WDR7: variants seen among roughly 807,000 people sequenced by gnomAD.
WDR7 encodes WD repeat-containing protein 7.
A neutral mutation model predicts 169.4 loss-of-function variants in WDR7; 46 were observed. The ratio of observed to expected loss-of-function variants is 0.27; its 90% CI spans 0.21 to 0.35. The LOEUF (loss-of-function observed/expected upper bound fraction) is 0.35, where lower values mean the gene tolerates loss of function less well. Ranked by LOEUF, WDR7 falls within the 10% of genes least tolerant of loss-of-function variation. The probability of loss-of-function intolerance (pLI) is 1.00; values close to 1 mark genes in which losing one functional copy is unlikely to be tolerated. For synonymous variants in WDR7, 612 were observed against 666.8 expected (o/e 0.92, Z 1.27); for missense variants, 1,534 against 1,859.3 (o/e 0.83, Z 3.22).
At position 56,660,475 on chromosome 18, in the gene WDR7, AT is replaced by A. The variant is rs533107264; in HGVS notation, c.-20+8900del. Among the ~76,000 whole-genome samples the A allele has an allele frequency of 1.5e-3, 223 of 152,266 alleles. 1 individual carries two copies. The highest frequency in any genetic ancestry group is 5.1e-3 in the African/African-American group (213 of 41,558). The stretch of plus-strand genomic sequence containing the variant: ...CTCAACCTGTAAGTATAATACAAAT[AT>A]CCCCAAATTTGAAAAAAATCCAAAA... On this transcript the variant is annotated intron_variant, in intron 1 of 27. Transcript: ENST00000254442.
chr18:56,671,167 G>T (rs1263955709), intron 1 of WDR7, among the ~76,000 whole-genome samples: 2 of 152,058 alleles, frequency 1.3e-5, no homozygotes, highest in African/African-American at 4.8e-5. Flanking sequence ...ATGGAGAAAT[G>T]AGTTTACAAA....
At chr18:57,034,627 G>A (rs2048457099), downstream of WDR7, 1 of 152,318 alleles carries the variant, frequency 6.6e-6, no homozygotes, top group Admixed American at 6.5e-5. Flanking sequence ...ATGGCGTGCT[G>A]ATGGAGGGCG....
intron 19 of WDR7, among the ~76,000 whole-genome samples, chr18:56,793,804 C>T (rs2044534738): frequency 6.6e-6 from 1 of 152,092 alleles, no homozygotes; most frequent in Admixed American, 6.5e-5. Context: ...CATTTAAATG[C>T]TTCTTTAGAA....
intron 21 of WDR7, among the ~76,000 whole-genome samples, chr18:56,900,051 G>GAC (rs2046379529): frequency 3.7e-5 from 5 of 134,630 alleles, no homozygotes; most frequent in Admixed American, 8.3e-5. Context: ...AAGCTCACTG[G>GAC]ACACATATAT....
intron 20 of WDR7, among the ~76,000 whole-genome samples, chr18:56,862,400 A>G (rs936306195): frequency 6.6e-6 from 1 of 151,402 alleles, no homozygotes; most frequent in African/African-American, 2.4e-5. Context: ...TTTTTTATTT[A>G]TCTTAATTTT....
chr18:56,753,183 G>T (rs1486381366), intron 14 of WDR7: 1 of 152,180 alleles, frequency 6.6e-6, no homozygotes, highest in East Asian at 1.9e-4. Flanking sequence ...TTTTATGTCA[G>T]AAGAGCTGAT....
intron 21 of WDR7, among the ~76,000 whole-genome samples, chr18:56,900,074 GTGTGTGTGTATA>G (rs2046380369): frequency 2.4e-5 from 1 of 41,912 alleles, no homozygotes; most frequent in Non-Finnish European, 4.5e-5. Context: ...ATGTGTGTGT[GTGTGTGTGTATA>G]TATATATATA....
chr18:56,927,108 G>A (rs1335514647), intron 22 of WDR7, among the ~76,000 whole-genome samples: 1 of 152,186 alleles, frequency 6.6e-6, no homozygotes, highest in Non-Finnish European at 1.5e-5. Flanking sequence ...AAAAACATAA[G>A]CAGTGTTTCC....
In WDR7 at chr18:57,028,770, A is replaced by C. The variant is rs570935265; in HGVS notation, c.*1563A>C. On this transcript the variant is annotated 3_prime_UTR_variant, in exon 28 of 28. Coordinates refer to ENST00000254442, the MANE Select transcript of WDR7 (RefSeq NM_015285.3). The stretch of plus-strand genomic sequence containing the variant: ...AGACCATTAGATCATCTCTTTCATA[A>C]TGATATGATGTTATTTCCATTGACG... 3.3e-5 allele frequency: 5 copies of C among 152,792 alleles called. No individual in the cohort carries two copies. The highest frequency in any genetic ancestry group is 6.5e-5 in the Admixed American group (1 of 15,308). The allele number at this position is 152,792 out of a possible 1,614,324, so 9.5% of individuals were successfully genotyped here. A position where few individuals can be genotyped will look rare whatever the true frequency, so the allele number is the denominator to read the frequency against.
chr18:56,995,954 G>C (rs1046999880), intron 26 of WDR7, among the ~76,000 whole-genome samples: 4 of 152,134 alleles, frequency 2.6e-5, no homozygotes. Context: ...CAGGTGGTTG[G>C]AATTAATGCA....
At chr18:56,853,187 A>G (rs1267791496) in intron 20 of WDR7, among the ~76,000 whole-genome samples, 1 of 152,186 alleles carries the variant, frequency 6.6e-6, no homozygotes, top group African/African-American at 2.4e-5. Flanking sequence ...AAACACCACC[A>G]TCTCAAAACA....
At chr18:56,698,010 A>G (rs1165369608) in intron 12 of WDR7, among the ~76,000 whole-genome samples, 2 of 151,632 alleles carry the variant, frequency 1.3e-5, no homozygotes, top group Non-Finnish European at 2.9e-5. Flanking sequence ...CCTGATCAAC[A>G]TGGAGAAACC....
intron 21 of WDR7, among the ~76,000 whole-genome samples, chr18:56,883,230 A>AG (rs758615769): frequency 4.9e-4 from 73 of 148,306 alleles, no homozygotes; most frequent in East Asian, 1.6e-3. Context: ...AAAAAAAAAA[A>AG]GCAGGAAGGT....
At chr18:57,031,109 G>C (rs1396991711), downstream of WDR7, 1 of 151,928 alleles carries the variant, frequency 6.6e-6, no homozygotes. Context: ...TTGTTTTTTT[G>C]AGTGGTTACA....
At chr18:56,902,123 G>T (rs1415029183) in intron 21 of WDR7, among the ~76,000 whole-genome samples, 3 of 152,138 alleles carry the variant, frequency 2.0e-5, no homozygotes, top group Non-Finnish European at 4.4e-5. Context: ...GTGACCTCCG[G>T]AACTGCATAT....
intron 17 of WDR7, among the ~76,000 whole-genome samples, chr18:56,777,869 G>GT (rs2044263772): frequency 6.6e-6 from 1 of 152,128 alleles, no homozygotes; most frequent in African/African-American, 2.4e-5. Context: ...AGGTTTGTAT[G>GT]TTAAGACCGA....
rs549601525 is a variant in WDR7 at position 57,028,422 on chromosome 18, A to T, written c.*1215A>T. The T allele has an allele frequency of 8.3e-4, 126 of 152,336 alleles. No individual in the cohort carries two copies. Among genetic ancestry groups the T allele is most frequent in the African/African-American group, 2.8e-3 (117 of 41,570 alleles). 9.4% of individuals were successfully genotyped at this position (152,336 alleles called of 1,614,324 possible). On this transcript the variant is annotated 3_prime_UTR_variant, in exon 28 of 28. Coordinates refer to ENST00000254442, the MANE Select transcript of WDR7 (RefSeq NM_015285.3). ...GGTTCTAGCTCATAATAATGAAAAA[A>T]ATAGAATTATATTTTGTATGAATTG...
intron 19 of WDR7, among the ~76,000 whole-genome samples, chr18:56,792,219 T>C (rs1264834624): frequency 6.6e-6 from 1 of 152,188 alleles, no homozygotes; most frequent in Admixed American, 6.5e-5. Flanking sequence ...GGTCTTCCTA[T>C]GTTGCCCAAG....
At chr18:56,733,193 A>C (rs1416028061) in intron 14 of WDR7, among the ~76,000 whole-genome samples, 1 of 152,140 alleles carries the variant, frequency 6.6e-6, no homozygotes, top group Non-Finnish European at 1.5e-5. Context: ...TAGCAGTGGT[A>C]ATTGTTGCCT....
Sources: gnomAD v4.1 joint callset for allele counts (sites outside exome capture counted in the v4.1 genomes callset) on GRCh38, gnomAD v4.1.1 for gene constraint, MANE v1.5 for transcripts, NCBI Gene and HGNC (gene_info 2026-07-23, HGNC 2026-07-21) for gene names.